STAU2: variants seen among roughly 807,000 people sequenced by gnomAD.
STAU2 encodes staufen double-stranded RNA binding protein 2.
Under a neutral mutation model 65.9 loss-of-function variants are expected in STAU2, and 20 were observed. The ratio of observed to expected loss-of-function variants is 0.30; its 90% CI spans 0.21 to 0.44. The LOEUF is 0.44. Among genes scored for constraint, STAU2 ranks in the 20% least tolerant of loss-of-function variants. The pLI is 1.00. For missense variants in STAU2, 558 were observed against 683.9 expected (o/e 0.82, Z 2.05); for synonymous variants, 232 against 233.9 (o/e 0.99, Z 0.07).
chr8:73,507,341 T>A (rs1239539507), intron 13 of STAU2, among the ~76,000 whole-genome samples: 1 of 152,170 alleles, frequency 6.6e-6, no homozygotes, highest in Non-Finnish European at 1.5e-5. Flanking sequence ...TTAGCAGGCA[T>A]GAAAACAACA....
At chr8:73,637,566 A>C (rs1446467235) in intron 6 of STAU2, among the ~76,000 whole-genome samples, 1 of 151,574 alleles carries the variant, frequency 6.6e-6, no homozygotes, top group East Asian at 1.9e-4. Flanking sequence ...AATATCTTCA[A>C]AACTGAAGGC....
intron 13 of STAU2, among the ~76,000 whole-genome samples, chr8:73,495,564 T>C (rs938665845): frequency 3.3e-5 from 5 of 150,590 alleles, no homozygotes; most frequent in Admixed American, 3.3e-4. Flanking sequence ...AAAATGTCAA[T>C]AAAAACTTAT....
intron 13 of STAU2, among the ~76,000 whole-genome samples, chr8:73,500,927 A>T (rs1821716110): frequency 1.3e-5 from 2 of 152,068 alleles, no homozygotes; most frequent in Admixed American, 1.3e-4. Context: ...TTCTCCAATG[A>T]TGCATTAACT....
chr8:73,739,767 T>C lies in STAU2; in HGVS notation c.-95A>G, dbSNP rs1806708400. 1 of 1,517,832 alleles carries C rather than the reference T, an allele frequency of 6.6e-7. No individual in the cohort carries two copies. The highest frequency in any genetic ancestry group is 8.8e-7 in the Non-Finnish European group (1 of 1,141,884). The allele number at this position is 1,517,832 out of a possible 1,614,324, so 94.0% of individuals were successfully genotyped here. On this transcript the variant is annotated 5_prime_UTR_variant, in exon 2 of 15. Coordinates refer to ENST00000524300, the MANE Select transcript of STAU2 (RefSeq NM_001164380.2). ...GTTCTTCAGATTACCTTCTGAGCCT[T>C]GGTTCAAATTACTTTGTGTATCTTT...
intron 13 of STAU2, among the ~76,000 whole-genome samples, chr8:73,444,437 G>A (rs963524206): frequency 7.3e-5 from 11 of 150,200 alleles, no homozygotes; most frequent in Admixed American, 2.6e-4. Flanking sequence ...AATGAAGAGC[G>A]AAAGCCCTCA....
In STAU2 at chr8:73,438,766, C is replaced by T. The variant is rs549174677; in HGVS notation, c.1531-16064G>A. ...TGTAGGCCTCTCATCTTTCAGGCTC[C>T]CTGATACTCAGGGTTAGGCCCGCTA... is the stretch of plus-strand genomic sequence containing the variant. On this transcript the variant is annotated intron_variant, in intron 13 of 14. Transcript: ENST00000524300. Among the ~76,000 whole-genome samples, 47 of 152,266 alleles carry T rather than the reference C, an allele frequency of 3.1e-4. 1 individual carries two copies. The South Asian group carries it at 9.5e-3, about 31-fold the overall frequency.
intron 13 of STAU2, chr8:73,549,615 A>C (rs2128941941): frequency 1.0e-6 from 1 of 982,360 alleles, no homozygotes. Context: ...TTTTCAATAC[A>C]CTCATATATT....
rs747304869 is a variant in STAU2, at chr8:73,540,950, A to G, written c.1530+11062T>C. ...GCTAGACATTTTGGGAAGAAATCCC[A>G]GGAGAAAGCTGCAGAAGTGGCACAA... On this transcript the variant is annotated intron_variant, in intron 13 of 14. Coordinates refer to ENST00000524300, the MANE Select transcript of STAU2 (RefSeq NM_001164380.2). Among the ~76,000 whole-genome samples the G allele has an allele frequency of 4.8e-4, 73 of 152,212 alleles. 1 individual carries two copies. The highest frequency in any genetic ancestry group is 1.2e-4 in the Non-Finnish European group (8 of 68,042).
chr8:73,641,735 T>C (rs1814989427), intron 6 of STAU2, among the ~76,000 whole-genome samples: 1 of 152,258 alleles, frequency 6.6e-6, no homozygotes, highest in Admixed American at 6.5e-5. Context: ...AACCACTTTT[T>C]GTGTGTCATA....
intron 6 of STAU2, among the ~76,000 whole-genome samples, chr8:73,670,181 T>C (rs1694020560): frequency 2.6e-5 from 4 of 152,004 alleles, no homozygotes; most frequent in Admixed American, 2.6e-4. Context: ...ACAAGAGAAA[T>C]GTGTTGTCCC....
At chr8:73,636,184 A>G (rs1456315203) in intron 6 of STAU2, among the ~76,000 whole-genome samples, 7 of 152,272 alleles carry the variant, frequency 4.6e-5, no homozygotes, top group South Asian at 4.1e-4. Context: ...GCAAAACCCC[A>G]TATCTATAAA....
intron 6 of STAU2, among the ~76,000 whole-genome samples, chr8:73,667,491 C>G (rs1817324746): frequency 6.6e-6 from 1 of 152,146 alleles, no homozygotes; most frequent in Non-Finnish European, 1.5e-5. Flanking sequence ...TTGCCAAAAT[C>G]TGTATTACTT....
At chr8:73,723,423 T>C (rs964488568) in intron 3 of STAU2, among the ~76,000 whole-genome samples, 1 of 152,254 alleles carries the variant, frequency 6.6e-6, no homozygotes, top group Admixed American at 6.5e-5. Context: ...TCTTTATCTG[T>C]AGATTTATGG....
In STAU2 at chr8:73,688,696, G is replaced by C; in HGVS notation, c.232C>G (p.Pro78Ala). 1 of 1,614,114 alleles carries C rather than the reference G, an allele frequency of 6.2e-7. No individual in the cohort carries two copies. The highest frequency in any genetic ancestry group is 8.5e-7 in the Non-Finnish European group (1 of 1,180,026). Residue 78 changes from proline to alanine, a missense_variant, in exon 5 of 15, where the codon CCA (proline) becomes GCA (alanine). Physicochemically the swap from Pro to Ala is conservative, Grantham distance 27. Coordinates refer to ENST00000524300, the MANE Select transcript of STAU2 (RefSeq NM_001164380.2). ...TTACTTTTGGGTGGCTTCTGAACTG[G>C]TTTGGGAAGCGTAGATTCAGTCAAA... Reference protein sequence around the residue: ...KALTESTLPKPVQKPPKSNVN... With the variant: ...KALTESTLPKAVQKPPKSNVN...
intron 6 of STAU2, among the ~76,000 whole-genome samples, chr8:73,629,500 G>A (rs1431130229): frequency 1.3e-5 from 2 of 152,124 alleles, no homozygotes; most frequent in Non-Finnish European, 2.9e-5. Flanking sequence ...GGACACGTAT[G>A]TTTTAAAAAA....
chr8:73,428,808 G>A (rs954033547), intron 13 of STAU2, among the ~76,000 whole-genome samples: 14 of 152,156 alleles, frequency 9.2e-5, no homozygotes, highest in Non-Finnish European at 1.9e-4. Flanking sequence ...CATCTGAAGA[G>A]AACTGCATAT....
chr8:73,706,086 G>C (rs184040085), intron 4 of STAU2, among the ~76,000 whole-genome samples: 3 of 152,218 alleles, frequency 2.0e-5, no homozygotes, highest in Admixed American at 2.0e-4. Flanking sequence ...TGTAGTATGT[G>C]TGTGAATTGC....
intron 9 of STAU2, among the ~76,000 whole-genome samples, chr8:73,607,451 C>T (rs916762991): frequency 3.9e-5 from 6 of 151,906 alleles, no homozygotes; most frequent in East Asian, 1.9e-4. Context: ...AAATTCAGGC[C>T]GGGCGTGATG....
At chr8:73,436,920 C>G (rs1236993487) in intron 13 of STAU2, among the ~76,000 whole-genome samples, 1 of 152,114 alleles carries the variant, frequency 6.6e-6, no homozygotes, top group African/African-American at 2.4e-5. Context: ...TGTCTCACTC[C>G]ATGTTTTTCC....
Sources: gnomAD v4.1 joint callset for allele counts (sites outside exome capture counted in the v4.1 genomes callset) on GRCh38, gnomAD v4.1.1 for gene constraint, MANE v1.5 for transcripts, NCBI Gene and HGNC (gene_info 2026-07-23, HGNC 2026-07-21) for gene names.